The following EPAS1 variants were observed in gnomAD, a reference collection of about 807,000 sequenced individuals.
The protein encoded by EPAS1 is endothelial PAS domain protein 1.
Under a neutral mutation model 87.9 loss-of-function variants are expected in EPAS1, and 23 were observed. The observed-to-expected ratio is 0.26, with a 90% CI of 0.19 to 0.37. The LOEUF is 0.37. Among genes scored for constraint, EPAS1 ranks in the 10% least tolerant of loss-of-function variants. The pLI, the probability that EPAS1 is intolerant of heterozygous loss-of-function variation, is 1.00. For missense variants in EPAS1, 1,138 were observed against 1,120.7 expected, an observed-to-expected ratio of 1.02 and a Z score of -0.22; for synonymous variants, 508 against 444.3, an observed-to-expected ratio of 1.14 and a Z score of -1.80.
intron 6 of EPAS1, among the ~76,000 whole-genome samples, chr2:46,367,640 C>T (rs1176231754): frequency 1.3e-5 from 2 of 152,210 alleles, no homozygotes; most frequent in Non-Finnish European, 2.9e-5. Context: ...CAGGGCCAAG[C>T]GACGGGACAG....
intron 1 of EPAS1, among the ~76,000 whole-genome samples, chr2:46,342,149 T>C (rs1683926121): frequency 6.6e-6 from 1 of 152,144 alleles, no homozygotes; most frequent in African/African-American, 2.4e-5. Flanking sequence ...AGGCATCTGT[T>C]TTTTAAGGTT....
At chr2:46,343,535 C>G (rs1683951862) in intron 1 of EPAS1, among the ~76,000 whole-genome samples, 1 of 152,212 alleles carries the variant, frequency 6.6e-6, no homozygotes, top group African/African-American at 2.4e-5. Context: ...TCTCCACATC[C>G]TCATCTATTA....
chr2:46,332,332 G>GTGTGTATATA (rs146630883), intron 1 of EPAS1, among the ~76,000 whole-genome samples: 68 of 142,192 alleles, frequency 4.8e-4, no homozygotes, highest in African/African-American at 1.7e-3. Flanking sequence ...GTGTGTGTGT[G>GTGTGTATATA]TATCAACTTG....
chr2:46,300,165 C>A lies in EPAS1; in HGVS notation c.26+2228C>A, dbSNP rs72885039. Among the ~76,000 whole-genome samples, 3,572 of 152,226 alleles carry A rather than the reference C, an allele frequency of 0.023. 152 individuals carry two copies. The highest frequency in any genetic ancestry group is 0.081 in the African/African-American group (3,369 of 41,514). ...TGCTGGCTGCAGGCTTCTTTAGGGACCAAGATGTAATTAAAATATGTGAAC... is the reference window on the plus strand; with the variant it reads ...TGCTGGCTGCAGGCTTCTTTAGGGAACAAGATGTAATTAAAATATGTGAAC... On this transcript the variant is annotated intron_variant, in intron 1 of 15. Transcript: ENST00000263734. The surrounding 1 kb of genome is among the most constrained non-coding windows in gnomAD (Gnocchi z 4.1).
chr2:46,343,772 C>T (rs544391908), intron 1 of EPAS1, among the ~76,000 whole-genome samples: 2 of 152,248 alleles, frequency 1.3e-5, no homozygotes, highest in Non-Finnish European at 2.9e-5. Flanking sequence ...GCCACTATCT[C>T]CTACAGTTAA....
intron 1 of EPAS1, among the ~76,000 whole-genome samples, chr2:46,310,908 G>A (rs975500579): frequency 2.0e-5 from 3 of 151,962 alleles, no homozygotes; most frequent in Admixed American, 6.5e-5. Context: ...ACGGAGTCTC[G>A]CTCTGTTGCC....
Position 46,297,820 on chromosome 2 carries a change from G to A in EPAS1, c.-92G>A, listed in dbSNP as rs957930899. The A allele has an allele frequency of 1.4e-5, 22 of 1,541,022 alleles. No homozygotes were observed. The highest frequency in any genetic ancestry group is 2.4e-5 in the South Asian group (2 of 84,880). On this transcript the variant is annotated 5_prime_UTR_variant, in exon 1 of 16. Transcript: ENST00000263734. ...CACCTCGGACCTTCACCACCCGCCC[G>A]GGCCGCGGGGAGCGGACGAGGGCCA... is the stretch of plus-strand genomic sequence containing the variant.
At chr2:46,349,480 C>A (rs1684103842) in intron 2 of EPAS1, among the ~76,000 whole-genome samples, 1 of 152,240 alleles carries the variant, frequency 6.6e-6, no homozygotes, top group Admixed American at 6.5e-5. Context: ...TATCCCATCT[C>A]CGGAGCCTGT....
chr2:46,313,296 C>T (rs1683249471), intron 1 of EPAS1, among the ~76,000 whole-genome samples: 1 of 152,152 alleles, frequency 6.6e-6, no homozygotes, highest in African/African-American at 2.4e-5. Flanking sequence ...CCCTCAGCCC[C>T]ACCCATGAGG....
intron 6 of EPAS1, among the ~76,000 whole-genome samples, chr2:46,365,879 A>G (rs1201578781): frequency 6.6e-6 from 1 of 152,104 alleles, no homozygotes; most frequent in Non-Finnish European, 1.5e-5. Flanking sequence ...CGATGGGCAG[A>G]GTGTGGAAGG....
intron 11 of EPAS1, among the ~76,000 whole-genome samples, chr2:46,379,460 C>G (rs1391833466): frequency 6.6e-6 from 1 of 152,172 alleles, no homozygotes; most frequent in African/African-American, 2.4e-5. Flanking sequence ...TTTAGCTTTT[C>G]TATCACCCTC....
chr2:46,368,941 C>A (rs1684563714), intron 6 of EPAS1, among the ~76,000 whole-genome samples: 1 of 152,090 alleles, frequency 6.6e-6, no homozygotes, highest in African/African-American at 2.4e-5. Flanking sequence ...TTAGTGATTA[C>A]AGCACAAAAC....
Position 46,375,560 on chromosome 2 carries a change from C to G in EPAS1, c.887-130C>G. ...CCCTCCCAGGTCACTCTCCCTGGTC[C>G]TCACTGTCGTGGCGCCCTGTTCTGT... On this transcript the variant is annotated intron_variant, in intron 7 of 15. Transcript: ENST00000263734. The surrounding 1 kb of genome is among the most constrained non-coding windows in gnomAD (Gnocchi z 4.1). 1 of 1,143,256 alleles carries G rather than the reference C, an allele frequency of 8.7e-7. No homozygotes were observed. The highest frequency in any genetic ancestry group is 1.3e-6 in the Non-Finnish European group (1 of 782,584). 70.8% of individuals were successfully genotyped at this position (1,143,256 alleles called of 1,614,324 possible).
chr2:46,376,668 C>G lies in EPAS1; in HGVS notation c.1164C>G (p.Phe388Leu), dbSNP rs531697481. The change falls in exon 9 of 16, where the codon TTC becomes TTG. Residue 388 changes from phenylalanine to leucine, a missense_variant. Phe to Leu is a conservative substitution (Grantham distance 22). Transcript: ENST00000263734. ...GKGAVSEKSN[F>L]LFTKLKEEPE... ...GGGCTGTGTCTGAGAAGAGTAACTTCCTATTCACCAAGCTAAAGGAGGAGC... is the reference window on the plus strand; with the variant it reads ...GGGCTGTGTCTGAGAAGAGTAACTTGCTATTCACCAAGCTAAAGGAGGAGC... The G allele has an allele frequency of 6.8e-6, 11 of 1,614,116 alleles. No homozygotes were observed. The East Asian group carries it at 2.5e-4, about 36-fold the overall frequency.
At position 46,297,500 on chromosome 2, in the gene EPAS1, G is replaced by C; in HGVS notation, c.-412G>C. ...GCCGTACAATCCTCGGCAGTGTCCT[G>C]AGACTGTATGGTCAGCTCAGCCCGG... On this transcript the variant is annotated 5_prime_UTR_variant, in exon 1 of 16. Transcript: ENST00000263734. The C allele has an allele frequency of 3.7e-6, 1 of 273,342 alleles. No homozygotes were observed. Among genetic ancestry groups the C allele is most frequent in the Non-Finnish European group, 7.1e-6 (1 of 141,182 alleles). The allele number at this position is 273,342 out of a possible 1,614,324, so 16.9% of individuals were successfully genotyped here.
In EPAS1 at chr2:46,371,891, A is replaced by G. The variant is rs7565341; in HGVS notation, c.886+1958A>G. On this transcript the variant is annotated intron_variant, in intron 7 of 15. Coordinates refer to ENST00000263734, the MANE Select transcript of EPAS1 (RefSeq NM_001430.5). The surrounding 1 kb of genome is among the most constrained non-coding windows in gnomAD (Gnocchi z 4.3). ...CTGGGAATTCTTGGAGGACAGTATT[A>G]CCTTTTATCTTGTAGGATGGGAAAG... Among the ~76,000 whole-genome samples, 86,309 of 152,030 alleles carry G rather than the reference A, an allele frequency of 0.57. 25,139 individuals are homozygous for G. The highest frequency in any genetic ancestry group is 0.65 in the African/African-American group (26,836 of 41,448).
rs1182013076 is a variant in EPAS1, at chr2:46,300,957, T to C, written c.26+3020T>C. Among the ~76,000 whole-genome samples, 2 of 152,236 alleles carry C rather than the reference T, an allele frequency of 1.3e-5. No homozygotes were observed. Among genetic ancestry groups the C allele is most frequent in the Non-Finnish European group, 2.9e-5 (2 of 68,048 alleles). ...GAAGGGAAAAAATATTGCTGGACAG[T>C]TTCTCTCAATTTAAACATATATTTT... On this transcript the variant is annotated intron_variant, in intron 1 of 15. Transcript: ENST00000263734. The surrounding 1 kb of genome is among the most constrained non-coding windows in gnomAD (Gnocchi z 4.1).
At chr2:46,311,901 T>C (rs185985915) in intron 1 of EPAS1, among the ~76,000 whole-genome samples, 2 of 152,286 alleles carry the variant, frequency 1.3e-5, no homozygotes, top group African/African-American at 4.8e-5. Flanking sequence ...ACTGTGAGCA[T>C]TGATCCCTTT....
At position 46,369,860 on chromosome 2, in the gene EPAS1, G is replaced by A. The variant is rs747968172; in HGVS notation, c.813G>A (p.Glu271=). 46 of 1,613,206 alleles carry A rather than the reference G, an allele frequency of 2.9e-5. No individual in the cohort carries two copies. The highest frequency in any genetic ancestry group is 2.0e-4 in the Admixed American group (12 of 59,888). ...ITELIGYHPE[E]LLGRSAYEFY... is the part of the protein sequence containing the mutation. ...AACTGATTGGTTACCACCCTGAGGA[G>A]CTGCTTGGCCGCTCAGCCTATGAAT... is the stretch of plus-strand genomic sequence containing the variant. The change falls in exon 7 of 16, where the codon GAG becomes GAA. Residue 271 remains glutamate, a synonymous_variant. Coordinates refer to ENST00000263734, the MANE Select transcript of EPAS1 (RefSeq NM_001430.5).
Sources: allele counts gnomAD v4.1 joint callset (sites outside exome capture counted in the v4.1 genomes callset), GRCh38; gene constraint gnomAD v4.1.1; non-coding constraint Gnocchi (gnomAD v3.1); transcripts MANE v1.5; gene names NCBI Gene and HGNC (gene_info 2026-07-23, HGNC 2026-07-21).